The following PRKDC variants were observed in gnomAD, a reference collection of about 807,000 sequenced individuals.
PRKDC encodes the protein DNA-dependent protein kinase catalytic subunit.
Under a neutral mutation model 486.9 loss-of-function variants are expected in PRKDC, and 82 were observed. The ratio of observed to expected loss-of-function variants is 0.17; its 90% confidence interval spans 0.14 to 0.20. The LOEUF is 0.20. PRKDC is among the 10% of genes least tolerant of loss of function. The probability of loss-of-function intolerance (pLI) is 1.00; values close to 1 mark genes in which losing one functional copy is unlikely to be tolerated. For missense variants in PRKDC, 4,504 were observed against 5,038.2 expected (o/e 0.89, Z 3.21); for synonymous variants, 1,895 against 1,837.0 (o/e 1.03, Z -0.81).
At chr8:47,881,637 A>G (rs2089220162) in intron 37 of PRKDC, 117 bp from the exon 38 acceptor site, 1 of 659,844 alleles carries the variant, frequency 1.5e-6, no homozygotes, top group South Asian at 2.6e-5. Flanking sequence ...TTTGGGCTTC[A>G]ATAATATTTT....
intron 45 of PRKDC, among the ~76,000 whole-genome samples, chr8:47,860,265 G>A (rs1378865056): frequency 6.6e-6 from 1 of 152,228 alleles, no homozygotes; most frequent in Non-Finnish European, 1.5e-5. Context: ...AGGGAGGCCA[G>A]GAAGAGTCTA....
intron 16 of PRKDC, among the ~76,000 whole-genome samples, chr8:47,931,917 G>A (rs2090262178): frequency 6.6e-6 from 1 of 152,160 alleles, no homozygotes; most frequent in Non-Finnish European, 1.5e-5. Context: ...TTGAGATGGA[G>A]TCTCACTCTG....
chr8:47,869,394 AGAC>A (rs2088894239), intron 40 of PRKDC, among the ~76,000 whole-genome samples: 1 of 151,828 alleles, frequency 6.6e-6, no homozygotes, highest in South Asian at 2.1e-4. Flanking sequence ...CCTGGCTCCC[AGAC>A]GACATTTTTA....
intron 80 of PRKDC, among the ~76,000 whole-genome samples, chr8:47,779,887 C>A (rs2086669573): frequency 7.0e-6 from 1 of 142,258 alleles, no homozygotes; most frequent in South Asian, 2.2e-4. Flanking sequence ...CACGCCTGGC[C>A]TCTTTTTCTT....
chr8:47,878,217 T>C (rs895477056), intron 39 of PRKDC, among the ~76,000 whole-genome samples: 1 of 151,032 alleles, frequency 6.6e-6, no homozygotes, highest in African/African-American at 2.4e-5. Context: ...GCCATTATCC[T>C]GCCTCAGCCT....
intron 14 of PRKDC, 57 bp downstream of exon 14, chr8:47,934,952 A>G: frequency 7.4e-7 from 1 of 1,348,922 alleles, no homozygotes; most frequent in African/African-American, 1.5e-5. Context: ...CCTCAGCAAC[A>G]TTCCTAGCTT....
chr8:47,895,712 A>T (rs1026923022), intron 30 of PRKDC, among the ~76,000 whole-genome samples: 39 of 151,006 alleles, frequency 2.6e-4, no homozygotes, highest in Middle Eastern at 3.4e-3. Context: ...TTAACATATA[A>T]AAAAAAAAGT....
chr8:47,877,705 C>T lies in PRKDC; in HGVS notation c.5363+19G>A. Reference sequence around the variant, plus strand: ...TGAAATGCGTATGGTTCCTGAGATCCCAGGCCAGAATGACTTACCTTCTGG... The same window carrying T: ...TGAAATGCGTATGGTTCCTGAGATCTCAGGCCAGAATGACTTACCTTCTGG... On this transcript the variant is annotated intron_variant, in intron 40 of 85. Transcript: ENST00000314191. 3 of 1,561,536 alleles carry T rather than the reference C, an allele frequency of 1.9e-6. No homozygotes were observed. Among genetic ancestry groups the T allele is most frequent in the Non-Finnish European group, 1.7e-6 (2 of 1,152,670 alleles).
intron 7 of PRKDC, among the ~76,000 whole-genome samples, chr8:47,947,233 T>A (rs911496479): frequency 6.6e-6 from 1 of 152,100 alleles, no homozygotes; most frequent in Admixed American, 6.6e-5. Context: ...CTCCCTCTCC[T>A]CCTTCTGATC....
At chr8:47,807,511 C>T (rs186379416) in intron 68 of PRKDC, among the ~76,000 whole-genome samples, 185 bp from the exon 69 acceptor site, 107 of 151,544 alleles carry the variant, frequency 7.1e-4, no homozygotes, top group Middle Eastern at 3.5e-3. Flanking sequence ...CTCTGCCTCC[C>T]GGGTTCACGT....
chr8:47,774,358 G>T lies in PRKDC; in HGVS notation c.12202C>A (p.His4068Asn). 1 of 1,613,070 alleles carries T rather than the reference G, an allele frequency of 6.2e-7. No homozygotes were observed. The highest frequency in any genetic ancestry group is 1.1e-5 in the South Asian group (1 of 90,878). Residue 4068 changes from histidine to asparagine, a missense_variant, in exon 86 of 86, where the codon CAT becomes AAT. Coordinates refer to ENST00000314191, the MANE Select transcript of PRKDC (RefSeq NM_006904.7). The stretch of plus-strand genomic sequence containing the variant: ...TCTCTGAAGGCAGGGGCCTTCTCAT[G>T]ACCCAGGAGTAGCTCATCACTGGAA... ...VITCDELLLGHEKAPAFRDYV... is the reference protein window; with the variant it reads ...VITCDELLLGNEKAPAFRDYV...
intron 44 of PRKDC, among the ~76,000 whole-genome samples, chr8:47,861,853 T>C (rs1286382919): frequency 1.3e-5 from 2 of 152,192 alleles, no homozygotes; most frequent in East Asian, 3.8e-4. Flanking sequence ...CCTACACATG[T>C]CAAGAGATGA....
At chr8:47,898,690 A>C in intron 28 of PRKDC, 121 bp from the exon 29 acceptor site, 1 of 560,926 alleles carries the variant, frequency 1.8e-6, no homozygotes, top group Non-Finnish European at 2.8e-6. Context: ...CTATAGATTT[A>C]ATATGTTTTC....
chr8:47,773,221 CCA>C lies in PRKDC; in HGVS notation c.*950_*951del, dbSNP rs1327940806. The C allele has an allele frequency of 8.9e-6, 2 of 223,764 alleles. No individual in the cohort carries two copies. The highest frequency in any genetic ancestry group is 2.2e-5 in the African/African-American group (1 of 44,620). The allele number at this position is 223,764 out of a possible 1,614,324, so 13.9% of individuals were successfully genotyped here. A position where few individuals can be genotyped will look rare whatever the true frequency, so the allele number is the denominator to read the frequency against. ...AAAAAAAACAACAAAAAGCTAAAAG[CCA>C]ATCAGAAACAGTTTGGGTGTGGAGG... On this transcript the variant is annotated 3_prime_UTR_variant, in exon 86 of 86. Coordinates refer to ENST00000314191, the MANE Select transcript of PRKDC (RefSeq NM_006904.7).
chr8:47,900,662 C>T (rs904927480), intron 27 of PRKDC, among the ~76,000 whole-genome samples, 195 bp from the exon 28 acceptor site: 7 of 151,910 alleles, frequency 4.6e-5, no homozygotes, highest in Admixed American at 6.6e-5. Flanking sequence ...GAGATCGAGA[C>T]CACAGTGAAA....
intron 68 of PRKDC, among the ~76,000 whole-genome samples, chr8:47,807,851 G>T (rs1305591461): frequency 6.6e-6 from 1 of 151,856 alleles, no homozygotes. Context: ...GAGTAGCTGG[G>T]ACTACAGGCG....
rs778231625 is a variant in PRKDC, at chr8:47,828,215, G to A, written c.8530C>T (p.Leu2844Phe). Reference sequence around the variant, plus strand: ...GGAAAGAAAGAGAAGGTGGTATTAAGAAAACGATTGAAGTCTTGAAGCAAC... The same window carrying A: ...GGAAAGAAAGAGAAGGTGGTATTAAAAAAACGATTGAAGTCTTGAAGCAAC... ...QKLLQDFNRF[L>F]NTTFSFFPPF... The change falls in exon 62 of 86, where the codon CTT becomes TTT. Residue 2844 changes from leucine (L) to phenylalanine (F), a missense_variant. By Grantham distance (22) the Leu-to-Phe change is conservative. This residue lies in a region of PRKDC where 1,592 missense variants were observed against 1,724.6 expected (regional missense o/e 0.92). Coordinates refer to ENST00000314191, the MANE Select transcript of PRKDC (RefSeq NM_006904.7). The A allele has an allele frequency of 1.9e-6, 3 of 1,613,860 alleles. No individual in the cohort carries two copies. The highest frequency in any genetic ancestry group is 3.3e-5 in the Admixed American group (2 of 60,018).
chr8:47,866,221 T>G (rs2154500860), intron 40 of PRKDC, among the ~76,000 whole-genome samples: 1 of 146,306 alleles, frequency 6.8e-6, no homozygotes, highest in African/African-American at 2.5e-5. Flanking sequence ...CATGGATGAC[T>G]CAGAGAGAAG....
chr8:47,903,790 T>A (rs1337794387), intron 26 of PRKDC, among the ~76,000 whole-genome samples: 1 of 152,244 alleles, frequency 6.6e-6, no homozygotes, highest in Non-Finnish European at 1.5e-5. Flanking sequence ...ATAAAAACTT[T>A]TTAACAGAAA....
Sources: allele counts gnomAD v4.1 joint callset (sites outside exome capture counted in the v4.1 genomes callset), GRCh38; gene constraint gnomAD v4.1.1; regional missense constraint gnomAD v4.1.1; transcripts MANE v1.5; gene names NCBI Gene and HGNC (gene_info 2026-07-23, HGNC 2026-07-21).